JAK1: variants seen among roughly 807,000 people sequenced by gnomAD.
JAK1 encodes the protein tyrosine-protein kinase JAK1.
JAK1 carries 16 observed loss-of-function variants against 136.6 expected under a neutral mutation model. The observed-to-expected ratio is 0.12, with a 90% CI of 0.08 to 0.18. The LOEUF is 0.18. Ranked by LOEUF, JAK1 falls within the 10% of genes least tolerant of loss-of-function variation. The probability of loss-of-function intolerance (pLI) is 1.00; values close to 1 mark genes in which losing one functional copy is unlikely to be tolerated. For synonymous variants in JAK1, 492 were observed against 519.5 expected (o/e 0.95, Z 0.72); for missense variants, 859 against 1,450.1 (o/e 0.59, Z 6.62).
intron 2 of JAK1, among the ~76,000 whole-genome samples, chr1:65,033,705 T>C (rs921474167): frequency 3.5e-5 from 5 of 143,088 alleles, no homozygotes; most frequent in Non-Finnish European, 7.4e-5. Flanking sequence ...CCAGGTAACA[T>C]TGTGAGACTC....
In JAK1 at chr1:64,873,482, T is replaced by G. The variant is rs756114832; in HGVS notation, c.371A>C (p.Gln124Pro). The change falls in exon 5 of 25, where the codon CAG becomes CCG. Residue 124 changes from glutamine (Q) to proline (P), a missense_variant. Around this residue, in one of 4 missense-constraint regions of JAK1, gnomAD observed 353 missense variants for 494.0 expected, o/e 0.71. Transcript: ENST00000342505. ...TNWHGTNDNE[Q>P]SVWRHSPKKQ... The stretch of plus-strand genomic sequence containing the variant: ...CTTTGGAGAATGACGCCACACTGAC[T>G]GCTCATTGTCGTTGGTTCCATGCCA... 1 of 1,614,102 alleles carries G rather than the reference T, an allele frequency of 6.2e-7. No homozygotes were observed. The highest frequency in any genetic ancestry group is 1.3e-5 in the African/African-American group (1 of 74,940).
intron 1 of JAK1, among the ~76,000 whole-genome samples, chr1:64,954,445 T>C (rs1366977772): frequency 6.6e-6 from 1 of 152,210 alleles, no homozygotes; most frequent in African/African-American, 2.4e-5. Flanking sequence ...TGGGAGGACA[T>C]GACCTACCCC....
At position 64,864,899 on chromosome 1, in the gene JAK1, T is replaced by C. The variant is rs1656594980; in HGVS notation, c.1064A>G (p.Glu355Gly). The C allele has an allele frequency of 6.2e-7, 1 of 1,614,088 alleles. No homozygotes were observed. Among genetic ancestry groups the C allele is most frequent in the Non-Finnish European group, 8.5e-7 (1 of 1,179,926 alleles). Residue 355 changes from glutamate to glycine, a missense_variant, in exon 8 of 25, where the codon GAG (glutamate) becomes GGG (glycine). Glu to Gly is a moderately conservative substitution (Grantham distance 98). Coordinates refer to ENST00000342505, the MANE Select transcript of JAK1 (RefSeq NM_002227.4). The stretch of plus-strand genomic sequence containing the variant: ...CCACTCTTCCCGGATCTTGTTTTTC[T>C]CCTCATCCTTCTTGTGTTTATTTTC... Reference protein sequence around the residue: ...KLENKHKKDEEKNKIREEWNN... With the variant: ...KLENKHKKDEGKNKIREEWNN...
chr1:64,960,507 G>A (rs1046031269), intron 1 of JAK1, among the ~76,000 whole-genome samples: 1 of 152,140 alleles, frequency 6.6e-6, no homozygotes, highest in African/African-American at 2.4e-5. Context: ...TCTACTCAGA[G>A]GTACCATAAA....
chr1:64,942,860 CTAAA>C (rs1225193072), intron 1 of JAK1, among the ~76,000 whole-genome samples: 1 of 151,792 alleles, frequency 6.6e-6, no homozygotes, highest in African/African-American at 2.4e-5. Flanking sequence ...CTTTCCTGTT[CTAAA>C]TAAAGTAACT....
rs1341125599 is a variant in JAK1 at position 64,835,524 on chromosome 1, A to G, written c.3259-18T>C. 2 of 1,422,232 alleles carry G rather than the reference A, an allele frequency of 1.4e-6. No homozygotes were observed. Among genetic ancestry groups the G allele is most frequent in the Non-Finnish European group, 2.0e-6 (2 of 1,023,612 alleles). The allele number at this position is 1,422,232 out of a possible 1,614,324, so 88.1% of individuals were successfully genotyped here. A position where few individuals can be genotyped will look rare whatever the true frequency, so the allele number is the denominator to read the frequency against. Reference sequence around the variant, plus strand: ...AGGAACAACTATATAAAATAAAATCAAACAAAACGTTTAACTTTGCAAGTA... The same window carrying G: ...AGGAACAACTATATAAAATAAAATCGAACAAAACGTTTAACTTTGCAAGTA... On this transcript the variant is annotated intron_variant, in intron 23 of 24. Transcript: ENST00000342505.
chr1:65,050,163 G>A (rs150415863), intron 1 of JAK1, among the ~76,000 whole-genome samples: 1 of 152,272 alleles, frequency 6.6e-6, no homozygotes, highest in African/African-American at 2.4e-5. Context: ...TAGTACACTA[G>A]TTTTCTACTG....
At chr1:64,841,865 G>A (rs2100978592) in intron 17 of JAK1, among the ~76,000 whole-genome samples, 1 of 152,302 alleles carries the variant, frequency 6.6e-6, no homozygotes, top group South Asian at 2.1e-4. Context: ...AGCCTTTCTG[G>A]AATACAATTG....
At chr1:65,046,523 T>C (rs540991835) in intron 1 of JAK1, among the ~76,000 whole-genome samples, 7 of 152,320 alleles carry the variant, frequency 4.6e-5, no homozygotes, top group African/African-American at 1.7e-4. Context: ...TACCTGGAGA[T>C]AAAATTCAGC....
intron 5 of JAK1, among the ~76,000 whole-genome samples, chr1:64,871,134 T>C (rs1340940405): frequency 1.3e-5 from 2 of 152,194 alleles, no homozygotes; most frequent in African/African-American, 4.8e-5. Flanking sequence ...GTTCATTTTC[T>C]TTTTTTCCAC....
At chr1:64,864,211 G>A (rs956367366) in intron 8 of JAK1, among the ~76,000 whole-genome samples, 1 of 152,222 alleles carries the variant, frequency 6.6e-6, no homozygotes, top group Non-Finnish European at 1.5e-5. Context: ...GTTGTTGGCT[G>A]TGACTTCCCC....
At chr1:65,033,304 C>T (rs1297554793) in intron 2 of JAK1, among the ~76,000 whole-genome samples, 2 of 151,538 alleles carry the variant, frequency 1.3e-5, no homozygotes, top group Non-Finnish European at 2.9e-5. Context: ...AGGTGTGTGC[C>T]CAACATAATA....
At chr1:65,022,604 A>G (rs1190032054) in intron 2 of JAK1, among the ~76,000 whole-genome samples, 1 of 152,190 alleles carries the variant, frequency 6.6e-6, no homozygotes, top group Admixed American at 6.5e-5. Context: ...TTTAGTTTGT[A>G]AGAGTTGGTG....
intron 1 of JAK1, among the ~76,000 whole-genome samples, chr1:64,942,548 T>C (rs1310197756): frequency 1.3e-5 from 2 of 152,208 alleles, no homozygotes. Flanking sequence ...TGGAAAAAAC[T>C]GAAAATGTGT....
At chr1:65,066,163 C>T (rs905853138) in intron 1 of JAK1, among the ~76,000 whole-genome samples, 3 of 152,100 alleles carry the variant, frequency 2.0e-5, no homozygotes, top group Non-Finnish European at 2.9e-5. Flanking sequence ...GGTCTTTCTC[C>T]AGGAAGGTGG....
At chr1:65,031,961 CT>C (rs68164546) in intron 2 of JAK1, among the ~76,000 whole-genome samples, 11,866 of 135,236 alleles carry the variant, frequency 0.088, 499 homozygotes, top group Admixed American at 0.16. Flanking sequence ...TTTTCTTTTT[CT>C]TTTTTTTTTT....
At chr1:65,063,268 G>T (rs902514935) in intron 1 of JAK1, among the ~76,000 whole-genome samples, 9 of 152,138 alleles carry the variant, frequency 5.9e-5, no homozygotes, top group African/African-American at 1.7e-4. Flanking sequence ...TTGTTTTCCG[G>T]TACCTTTTGC....
intron 2 of JAK1, among the ~76,000 whole-genome samples, chr1:65,018,367 T>C (rs879646078): frequency 2.0e-5 from 3 of 151,830 alleles, no homozygotes; most frequent in Non-Finnish European, 4.4e-5. Flanking sequence ...AGAAAAACTA[T>C]GTAACAGGAA....
At chr1:64,892,751 C>T (rs953095774) in intron 1 of JAK1, among the ~76,000 whole-genome samples, 4 of 152,212 alleles carry the variant, frequency 2.6e-5, no homozygotes, top group African/African-American at 9.6e-5. Flanking sequence ...TCGGCTAAGG[C>T]GTTCCCACAG....
Sources: allele counts gnomAD v4.1 joint callset (sites outside exome capture counted in the v4.1 genomes callset), GRCh38; gene constraint gnomAD v4.1.1; regional missense constraint gnomAD v4.1.1; transcripts MANE v1.5; gene names NCBI Gene and HGNC (gene_info 2026-07-23, HGNC 2026-07-21).